The following POTEF variants were observed in gnomAD, a reference collection of about 807,000 sequenced individuals.
POTEF encodes the protein ANKRD26-like family C member 1B.
A neutral mutation model predicts 83.2 loss-of-function variants in POTEF; 20 were observed. The ratio of observed to expected loss-of-function variants is 0.24; its 90% CI spans 0.17 to 0.35. The LOEUF (loss-of-function observed/expected upper bound fraction) is 0.35, where lower values mean the gene tolerates loss of function less well. Ranked by LOEUF, POTEF falls within the 10% of genes least tolerant of loss-of-function variation. The pLI is 1.00. For synonymous variants in POTEF, 196 were observed against 446.4 expected, an observed-to-expected ratio of 0.44 and a Z score of 7.07; for missense variants, 550 against 1,203.2, an observed-to-expected ratio of 0.46 and a Z score of 8.03.
At chr2:130,115,844 T>G (rs1475896111) in intron 3 of POTEF, among the ~76,000 whole-genome samples, 1 of 152,122 alleles carries the variant, frequency 6.6e-6, no homozygotes, top group African/African-American at 2.4e-5. Flanking sequence ...TTTTAAATAT[T>G]ACAGCTAACA....
chr2:130,075,483 G>C lies in POTEF; in HGVS notation c.1989C>G (p.Asp663Glu), dbSNP rs1053925927. The C allele has an allele frequency of 5.0e-6, 8 of 1,611,080 alleles. No homozygotes were observed. The African/African-American group carries it at 1.1e-4, about 22-fold the overall frequency. ...TTAGCTGGCTCTGATGTTTCATTGTGTCTAGCTCCAGTCTTAGCATGGCAA... is the reference window on the plus strand; with the variant it reads ...TTAGCTGGCTCTGATGTTTCATTGTCTCTAGCTCCAGTCTTAGCATGGCAA... The part of the protein sequence containing the change: ...EEIAMLRLEL[D>E]TMKHQSQLRE... Residue 663 changes from aspartate (D) to glutamate (E), a missense_variant, in exon 17 of 17, where the codon GAC becomes GAG. Transcript: ENST00000409914.
intron 2 of POTEF, among the ~76,000 whole-genome samples, chr2:130,126,424 C>T (rs1158341354): frequency 5.9e-5 from 9 of 151,882 alleles, no homozygotes; most frequent in African/African-American, 2.2e-4. Flanking sequence ...CTGCATAGCT[C>T]CAAATATGTG....
intron 3 of POTEF, among the ~76,000 whole-genome samples, chr2:130,119,515 T>C (rs1684941619): frequency 6.6e-6 from 1 of 150,862 alleles, no homozygotes; most frequent in Admixed American, 6.6e-5. Context: ...AGGAACCATC[T>C]TCCCATTTCA....
chr2:130,115,549 G>A (rs1239570801), intron 3 of POTEF, among the ~76,000 whole-genome samples: 1 of 152,112 alleles, frequency 6.6e-6, no homozygotes, highest in East Asian at 1.9e-4. Context: ...GCCCTTGGAT[G>A]ACATTCAACG....
chr2:130,105,321 T>G (rs753000977), intron 8 of POTEF, among the ~76,000 whole-genome samples: 2 of 150,204 alleles, frequency 1.3e-5, no homozygotes, highest in Non-Finnish European at 1.5e-5. Flanking sequence ...GGCCAACATA[T>G]TAAAACAAGT....
At chr2:130,114,290 A>G (rs1294237935) in intron 5 of POTEF, among the ~76,000 whole-genome samples, 1 of 151,842 alleles carries the variant, frequency 6.6e-6, no homozygotes, top group African/African-American at 2.4e-5. Context: ...AGTCAACAAC[A>G]ACAACAACAC....
chr2:130,116,417 AG>A, intron 3 of POTEF, among the ~76,000 whole-genome samples: 1 of 147,994 alleles, frequency 6.8e-6, no homozygotes, highest in East Asian at 2.0e-4. Context: ...ACGTGCACCA[AG>A]GGGGTTGGTT....
intron 8 of POTEF, 29 bp downstream of exon 8, chr2:130,107,980 C>G: frequency 1.9e-6 from 3 of 1,607,030 alleles, no homozygotes; most frequent in Non-Finnish European, 2.5e-6. Context: ...GGACAACTGA[C>G]TAAAGTAATT....
intron 8 of POTEF, among the ~76,000 whole-genome samples, chr2:130,103,457 T>TC (rs1224060084): frequency 6.8e-6 from 1 of 147,706 alleles, no homozygotes; most frequent in Non-Finnish European, 1.5e-5. Flanking sequence ...TGCATGTCTT[T>TC]CCCCAGATAA....
intron 5 of POTEF, among the ~76,000 whole-genome samples, chr2:130,113,277 G>C (rs1684759464): frequency 8.6e-6 from 1 of 115,800 alleles, no homozygotes; most frequent in South Asian, 3.0e-4. Context: ...GAGAGGTCGA[G>C]GCTGCAGTGA....
At chr2:130,126,284 C>T (rs1488396733) in intron 2 of POTEF, among the ~76,000 whole-genome samples, 24 of 71,774 alleles carry the variant, frequency 3.3e-4, no homozygotes, top group Non-Finnish European at 4.7e-4. Context: ...GCCTGGGCAA[C>T]AAGAGCAAAA....
At chr2:130,094,981 C>T (rs1350881380) in intron 11 of POTEF, among the ~76,000 whole-genome samples, 1 of 151,202 alleles carries the variant, frequency 6.6e-6, no homozygotes, top group African/African-American at 2.4e-5. Flanking sequence ...TTTAAAAATG[C>T]AGACAATTAC....
rs543584955 is a variant in POTEF at position 130,119,161 on chromosome 2, C to A, written c.521+834G>T. Among the ~76,000 whole-genome samples the A allele has an allele frequency of 1.9e-4, 29 of 150,878 alleles. 1 individual carries two copies. Among genetic ancestry groups the A allele is most frequent in the African/African-American group, 3.4e-4 (14 of 40,872 alleles). On this transcript the variant is annotated intron_variant, in intron 3 of 16. Transcript: ENST00000409914. ...TAAAAGTGATAAATAGAAAAAGCTCCCATCTTTTTTTTTTTTTTTTGAAAC... is the reference window on the plus strand; with the variant it reads ...TAAAAGTGATAAATAGAAAAAGCTCACATCTTTTTTTTTTTTTTTTGAAAC...
chr2:130,088,594 TC>T (rs1684055503), intron 12 of POTEF, among the ~76,000 whole-genome samples: 1 of 63,090 alleles, frequency 1.6e-5, no homozygotes. Flanking sequence ...TTTTCTTTTT[TC>T]TTTTTTTTTT....
At chr2:130,112,875 C>T (rs543461575) in intron 5 of POTEF, among the ~76,000 whole-genome samples, 2 of 151,898 alleles carry the variant, frequency 1.3e-5, no homozygotes, top group African/African-American at 2.4e-5. Flanking sequence ...CTGCTCTTAA[C>T]GACTTACTGA....
At chr2:130,108,139 C>A (rs1408241758) in intron 7 of POTEF, 60 bp from the exon 8 acceptor site, 10 of 1,513,858 alleles carry the variant, frequency 6.6e-6, no homozygotes, top group Admixed American at 4.3e-5. Flanking sequence ...AAAAAACTTA[C>A]CAAATGTAGA....
At chr2:130,115,542 C>G (rs1322528331) in intron 3 of POTEF, among the ~76,000 whole-genome samples, 6 of 152,076 alleles carry the variant, frequency 3.9e-5, no homozygotes, top group African/African-American at 1.4e-4. Flanking sequence ...GAGCATAGCC[C>G]TTGGATGACA....
chr2:130,122,036 T>G (rs1685012476), intron 2 of POTEF, among the ~76,000 whole-genome samples: 1 of 151,758 alleles, frequency 6.6e-6, no homozygotes, highest in Admixed American at 6.6e-5. Context: ...CTGGAAGGAT[T>G]TGCCTATTCT....
At position 130,074,980 on chromosome 2, in the gene POTEF, G is replaced by C. The variant is rs1366414444; in HGVS notation, c.2492C>G (p.Ala831Gly). 1 of 1,612,670 alleles carries C rather than the reference G, an allele frequency of 6.2e-7. No individual in the cohort carries two copies. The highest frequency in any genetic ancestry group is 8.5e-7 in the Non-Finnish European group (1 of 1,179,766). Residue 831 changes from alanine (A) to glycine (G), a missense_variant, in exon 17 of 17, where the codon GCC (alanine) becomes GGC (glycine). Physicochemically the swap from Ala to Gly is moderately conservative, Grantham distance 60. Coordinates refer to ENST00000409914, the MANE Select transcript of POTEF (RefSeq NM_001099771.2). ...CACAGCCTGGATGGCCACGTACATGGCTGGGGTGTTGAAGGTCTCAAACAT... is the reference window on the plus strand; with the variant it reads ...CACAGCCTGGATGGCCACGTACATGCCTGGGGTGTTGAAGGTCTCAAACAT... ...QIMFETFNTP[A>G]MYVAIQAVLS...
Sources: allele counts gnomAD v4.1 joint callset (sites outside exome capture counted in the v4.1 genomes callset), GRCh38; gene constraint gnomAD v4.1.1; transcripts MANE v1.5; gene names NCBI Gene and HGNC (gene_info 2026-07-23, HGNC 2026-07-21).